The following OXTR variants were observed in gnomAD, a reference collection of about 807,000 sequenced individuals.
OXTR encodes oxytocin receptor.
In OXTR, 19 loss-of-function variants were observed where a neutral mutation model predicts 23.9. The observed-to-expected ratio is 0.80, with a 90% CI of 0.56 to 1.17. OXTR has a LOEUF of 1.17. Ranked by LOEUF, OXTR falls within the 50% of genes most tolerant of loss-of-function variation. The pLI, the probability that OXTR is intolerant of heterozygous loss-of-function variation, is 0.00. For missense variants in OXTR, 500 were observed against 550.7 expected (o/e 0.91, Z 0.92); for synonymous variants, 278 against 250.5 (o/e 1.11, Z -1.04).
the OXTR span, among the ~76,000 whole-genome samples, chr3:8,744,348 G>A: frequency 6.2e-5 from 9 of 145,662 alleles, no homozygotes; most frequent in Admixed American, 2.8e-4. Flanking sequence ...GCACAATCTC[G>A]GCTCACTGCA....
the OXTR span, among the ~76,000 whole-genome samples, chr3:8,743,422 C>T: frequency 2.0e-5 from 3 of 152,120 alleles, no homozygotes; most frequent in Non-Finnish European, 4.4e-5. Context: ...TCCTGGAAGC[C>T]CTCCAAGAAG....
Position 8,751,044 on chromosome 3 carries a change from T to G in OXTR, c.*1933A>C, listed in dbSNP as rs1031273697. The G allele has an allele frequency of 5.9e-5, 9 of 152,216 alleles. No individual in the cohort carries two copies. Among genetic ancestry groups the G allele is most frequent in the African/African-American group, 1.9e-4 (8 of 41,450 alleles). The allele number at this position is 152,216 out of a possible 1,614,324, so 9.4% of individuals were successfully genotyped here. On this transcript the variant is annotated 3_prime_UTR_variant, in exon 4 of 4. Coordinates refer to ENST00000316793, the MANE Select transcript of OXTR (RefSeq NM_000916.4). ...TTCTCTACATCCTCACCGACACTCG[T>G]TCTTGTCCATCTTTTTATTGTAGCC...
In OXTR at chr3:8,753,098, C is replaced by A; in HGVS notation, c.1049G>T (p.Ser350Ile). 1 of 1,614,174 alleles carries A rather than the reference C, an allele frequency of 6.2e-7. No homozygotes were observed. The highest frequency in any genetic ancestry group is 8.5e-7 in the Non-Finnish European group (1 of 1,180,024). Reference sequence around the variant, plus strand: ...TCCCAGGCGTCTGCCCTTCAGGTAGCTGGCGGAGCAGCACAGGAAGCGCTG... The same window carrying A: ...TCCCAGGCGTCTGCCCTTCAGGTAGATGGCGGAGCAGCACAGGAAGCGCTG... ...LVQRFLCCSA[S>I]YLKGRRLGET... The change falls in exon 4 of 4, where the codon AGC becomes ATC. Residue 350 changes from serine (S) to isoleucine (I), a missense_variant. Coordinates refer to ENST00000316793, the MANE Select transcript of OXTR (RefSeq NM_000916.4).
intron 3 of OXTR, among the ~76,000 whole-genome samples, chr3:8,753,889 G>A (rs1472317127): frequency 6.6e-6 from 1 of 152,192 alleles, no homozygotes; most frequent in Non-Finnish European, 1.5e-5. Flanking sequence ...GTGCCACTCT[G>A]AGAGTCATGG....
chr3:8,750,876 C>G lies in OXTR; in HGVS notation c.*2101G>C, dbSNP rs1316693971. 1 of 152,136 alleles carries G rather than the reference C, an allele frequency of 6.6e-6. No homozygotes were observed. The highest frequency in any genetic ancestry group is 2.4e-5 in the African/African-American group (1 of 41,410). 9.4% of individuals were successfully genotyped at this position (152,136 alleles called of 1,614,324 possible). ...AAGTTTTTGTGTGTATGTACGTTTT[C>G]ATTTCTCTTGGGTAAATACCTAGGA... On this transcript the variant is annotated 3_prime_UTR_variant, in exon 4 of 4. Transcript: ENST00000316793.
chr3:8,753,099 T>C lies in OXTR; in HGVS notation c.1048A>G (p.Ser350Gly), dbSNP rs767070357. 5 of 1,613,998 alleles carry C rather than the reference T, an allele frequency of 3.1e-6. No individual in the cohort carries two copies. Among genetic ancestry groups the C allele is most frequent in the African/African-American group, 1.3e-5 (1 of 74,892 alleles). ...LVQRFLCCSASYLKGRRLGET... is the reference protein window; with the variant it reads ...LVQRFLCCSAGYLKGRRLGET... ...CCCAGGCGTCTGCCCTTCAGGTAGC[T>C]GGCGGAGCAGCACAGGAAGCGCTGC... Residue 350 changes from serine to glycine, a missense_variant, in exon 4 of 4, where the codon AGC becomes GGC. Coordinates refer to ENST00000316793, the MANE Select transcript of OXTR (RefSeq NM_000916.4).
intron 3 of OXTR, among the ~76,000 whole-genome samples, chr3:8,766,491 C>T (rs1194561806): frequency 1.3e-5 from 2 of 152,144 alleles, no homozygotes; most frequent in Non-Finnish European, 2.9e-5. Flanking sequence ...CAGAAATCAC[C>T]CAGCCTCCCC....
rs767267625 is a variant in OXTR, at chr3:8,767,751, C to T, written c.437G>A (p.Arg146His). 5.6e-6 allele frequency: 9 copies of T among 1,607,184 alleles called. No homozygotes were observed. The highest frequency in any genetic ancestry group is 7.6e-6 in the Non-Finnish European group (9 of 1,176,980). The change falls in exon 3 of 4, where the codon CGC (arginine) becomes CAC (histidine). Residue 146 changes from arginine (R) to histidine (H), a missense_variant. Coordinates refer to ENST00000316793, the MANE Select transcript of OXTR (RefSeq NM_000916.4). ...DRCLAICQPL[R>H]SLRRRTDRLA... ...GCGGTCGGTGCGGCGGCGCAGCGAG[C>T]GCAGCGGCTGGCAGATGGCCAGGCA...
At chr3:8,754,108 A>G (rs1223064353) in intron 3 of OXTR, among the ~76,000 whole-genome samples, 1 of 152,160 alleles carries the variant, frequency 6.6e-6, no homozygotes, top group African/African-American at 2.4e-5. Flanking sequence ...TGACAATAAG[A>G]CTCATGCAGG....
chr3:8,760,454 G>T (rs561885424), intron 3 of OXTR, among the ~76,000 whole-genome samples: 2 of 152,230 alleles, frequency 1.3e-5, no homozygotes, highest in African/African-American at 4.8e-5. Context: ...GAAAGCAGAG[G>T]TTGTGTGGAC....
At chr3:8,745,944 G>A (rs2124988937), downstream of OXTR, 1 of 1,203,540 alleles carries the variant, frequency 8.3e-7, no homozygotes, top group Non-Finnish European at 1.2e-6. This position sits in a 1 kb window ranked among gnomAD's most constrained non-coding sequence, Gnocchi z 4.8. Context: ...CTTCACAGGG[G>A]CTGCTGGCGA....
intron 3 of OXTR, among the ~76,000 whole-genome samples, chr3:8,761,860 C>T (rs916914521): frequency 1.3e-5 from 2 of 152,188 alleles, no homozygotes; most frequent in East Asian, 3.9e-4. Flanking sequence ...GTCCAGAGGC[C>T]ATCAAGAGAC....
chr3:8,755,218 A>G (rs1708347844), intron 3 of OXTR, among the ~76,000 whole-genome samples: 1 of 152,218 alleles, frequency 6.6e-6, no homozygotes, highest in Non-Finnish European at 1.5e-5. Flanking sequence ...CACAAAGGGA[A>G]GGTTCGCCCA....
chr3:8,767,171 G>A lies in OXTR; in HGVS notation c.922+95C>T, dbSNP rs1225479754. 3 of 1,226,584 alleles carry A rather than the reference G, an allele frequency of 2.4e-6. No individual in the cohort carries two copies. The South Asian group carries it at 5.4e-5, about 22-fold the overall frequency. 76.0% of individuals were successfully genotyped at this position (1,226,584 alleles called of 1,614,324 possible). A position where few individuals can be genotyped will look rare whatever the true frequency, so the allele number is the denominator to read the frequency against. ...GATTTCAAACCCGCTTATCCCCCAG[G>A]AAGTCCACAGACCCCTGGACATTCT... On this transcript the variant is annotated intron_variant, in intron 3 of 3. Transcript: ENST00000316793.
chr3:8,749,236 T>C (rs1708215593), downstream of OXTR, among the ~76,000 whole-genome samples: 1 of 152,142 alleles, frequency 6.6e-6, no homozygotes, highest in Admixed American at 6.5e-5. Flanking sequence ...TGAAATTGAA[T>C]GTCACTTATT....
At chr3:8,758,430 T>C (rs140538198) in intron 3 of OXTR, among the ~76,000 whole-genome samples, 4 of 152,276 alleles carry the variant, frequency 2.6e-5, no homozygotes, top group Non-Finnish European at 5.9e-5. Context: ...AGGCCCGCAC[T>C]TGAGAAACCA....
At chr3:8,754,722 A>G (rs1486884502) in intron 3 of OXTR, among the ~76,000 whole-genome samples, 1 of 152,144 alleles carries the variant, frequency 6.6e-6, no homozygotes, top group Non-Finnish European at 1.5e-5. Context: ...ATCACATGGG[A>G]ACTTGCTGGA....
chr3:8,754,585 G>A (rs925356803), intron 3 of OXTR, among the ~76,000 whole-genome samples: 1 of 152,212 alleles, frequency 6.6e-6, no homozygotes, highest in Admixed American at 6.5e-5. Flanking sequence ...TCTAGATGTG[G>A]CCACTGATGA....
At chr3:8,756,673 C>A (rs999523877) in intron 3 of OXTR, among the ~76,000 whole-genome samples, 1 of 152,216 alleles carries the variant, frequency 6.6e-6, no homozygotes, top group South Asian at 2.1e-4. Flanking sequence ...ATTCCTCTAG[C>A]TGCCCAAGAG....
Sources: allele counts gnomAD v4.1 joint callset (sites outside exome capture counted in the v4.1 genomes callset), GRCh38; gene constraint gnomAD v4.1.1; non-coding constraint Gnocchi (gnomAD v3.1); transcripts MANE v1.5; gene names NCBI Gene and HGNC (gene_info 2026-07-23, HGNC 2026-07-21).